Variants in CPNE5 observed in about 807,000 individuals in gnomAD.
CPNE5 encodes copine 5, also known as copine-5.
Under a neutral mutation model 81.1 loss-of-function variants are expected in CPNE5, and 42 were observed. The ratio of observed to expected loss-of-function variants is 0.52; its 90% confidence interval spans 0.40 to 0.67. The LOEUF (loss-of-function observed/expected upper bound fraction) is 0.67, where lower values mean the gene tolerates loss of function less well. CPNE5 is among the 30% of genes least tolerant of loss of function. The pLI is 0.00. For missense variants in CPNE5, 612 were observed against 815.5 expected (o/e 0.75, Z 3.04); for synonymous variants, 313 against 321.5 (o/e 0.97, Z 0.28).
chr6:36,830,982 C>T (rs903195744), intron 1 of CPNE5, among the ~76,000 whole-genome samples: 1 of 152,188 alleles, frequency 6.6e-6, no homozygotes, highest in Non-Finnish European at 1.5e-5. Flanking sequence ...AATGTGCTTC[C>T]ATGCCTGCCT....
At chr6:36,763,490 C>T (rs536297687) in intron 11 of CPNE5, among the ~76,000 whole-genome samples, 53 of 151,662 alleles carry the variant, frequency 3.5e-4, no homozygotes, top group African/African-American at 1.2e-3. Flanking sequence ...ATAATCCTAG[C>T]TACTCCAGAG....
At chr6:36,819,996 C>T (rs1481348213) in intron 3 of CPNE5, among the ~76,000 whole-genome samples, 3 of 152,238 alleles carry the variant, frequency 2.0e-5, no homozygotes, top group African/African-American at 4.8e-5. Flanking sequence ...TCAGCTCCGC[C>T]GCTCAGCAAG....
intron 10 of CPNE5, 96 bp from the exon 11 acceptor site, chr6:36,765,472 C>T: frequency 6.9e-7 from 1 of 1,450,262 alleles, no homozygotes; most frequent in Non-Finnish European, 9.6e-7. Context: ...GATAGGGAGG[C>T]CAGGACTCCC....
At chr6:36,760,996 C>T (rs1351616633) in intron 12 of CPNE5, among the ~76,000 whole-genome samples, 2 of 152,242 alleles carry the variant, frequency 1.3e-5, no homozygotes, top group African/African-American at 4.8e-5. Context: ...CAGTGTGGCA[C>T]TTTCTCTTGT....
At chr6:36,744,946 C>T in intron 18 of CPNE5, 102 bp downstream of exon 18, 1 of 794,300 alleles carries the variant, frequency 1.3e-6, no homozygotes, top group Non-Finnish European at 2.1e-6. Flanking sequence ...CATCTCCAAG[C>T]ATTTCCCTAA....
rs559653078 is a variant in CPNE5 at position 36,822,991 on chromosome 6, T to C, written c.136+67A>G. The stretch of plus-strand genomic sequence containing the variant: ...TTAGTGCTCAGTAAGGGCTCAAGCA[T>C]TGCCGCTGTAATTAGTCATAGCGTT... On this transcript the variant is annotated intron_variant, in intron 2 of 20. Transcript: ENST00000244751. 1.8e-5 allele frequency: 25 copies of C among 1,369,234 alleles called. No individual in the cohort carries two copies. The South Asian group carries it at 3.8e-4, about 21-fold the overall frequency. The allele number at this position is 1,369,234 out of a possible 1,614,324, so 84.8% of individuals were successfully genotyped here.
intron 4 of CPNE5, among the ~76,000 whole-genome samples, chr6:36,798,739 C>G (rs1226000981): frequency 6.6e-6 from 1 of 152,076 alleles, no homozygotes; most frequent in Non-Finnish European, 1.5e-5. Context: ...GGAGTAGGCA[C>G]AAAGATTTAT....
At chr6:36,819,328 G>C (rs1771837780) in intron 3 of CPNE5, among the ~76,000 whole-genome samples, 1 of 152,256 alleles carries the variant, frequency 6.6e-6, no homozygotes, top group Admixed American at 6.5e-5. Flanking sequence ...TCGAACTCGT[G>C]ACCTCAAGTG....
chr6:36,783,335 A>G (rs937415359), intron 8 of CPNE5, among the ~76,000 whole-genome samples: 2 of 149,462 alleles, frequency 1.3e-5, no homozygotes, highest in Non-Finnish European at 3.0e-5. Flanking sequence ...AAGTTAACCT[A>G]CATAACAAAC....
chr6:36,800,774 T>C (rs1045266952), intron 3 of CPNE5, among the ~76,000 whole-genome samples: 3 of 152,212 alleles, frequency 2.0e-5, no homozygotes, highest in African/African-American at 7.2e-5. Context: ...TGCTCTGTCT[T>C]GCTTGCTCAC....
intron 1 of CPNE5, chr6:36,827,711 A>G (rs1772624524): frequency 1.0e-6 from 1 of 985,318 alleles, no homozygotes; most frequent in African/African-American, 1.7e-5. Flanking sequence ...TCACTTGCCC[A>G]CAAGCACACA....
intron 3 of CPNE5, among the ~76,000 whole-genome samples, chr6:36,807,721 C>T (rs970060910): frequency 3.9e-5 from 6 of 152,258 alleles, no homozygotes; most frequent in African/African-American, 7.2e-5. Flanking sequence ...CTTCTGTATG[C>T]GGGGTGAGAC....
In CPNE5 at chr6:36,746,434, G is replaced by T; in HGVS notation, c.1162C>A (p.Leu388Met). The T allele has an allele frequency of 6.2e-7, 1 of 1,613,040 alleles. No individual in the cohort carries two copies. Among genetic ancestry groups the T allele is most frequent in the Non-Finnish European group, 8.5e-7 (1 of 1,179,496 alleles). Residue 388 changes from leucine to methionine, a missense_variant, in exon 16 of 21, where the codon CTG becomes ATG. By Grantham distance (15) the Leu-to-Met change is conservative. Coordinates refer to ENST00000244751, the MANE Select transcript of CPNE5 (RefSeq NM_020939.2). The surrounding 1 kb of genome is among the most constrained non-coding windows in gnomAD (Gnocchi z 4.5). ...TGGGACACTCTGCCATCCGGGGGCA[G>T]CTTGGCCCCGAAGCCCAGGGCAGGG... ...MFPALGFGAK[L>M]PPDGRVSHEF...
In CPNE5 at chr6:36,768,226, T is replaced by TTTTTTTC. The variant is rs1491570568; in HGVS notation, c.738-2851_738-2850insGAAAAAA. On this transcript the variant is annotated intron_variant, in intron 10 of 20. Coordinates refer to ENST00000244751, the MANE Select transcript of CPNE5 (RefSeq NM_020939.2). ...GCTTTGACTACTCTATTCACAGTTCTTTTTTTTTTTTTTTTTTTTTTTTTT... is the reference window on the plus strand; with the variant it reads ...GCTTTGACTACTCTATTCACAGTTCTTTTTTTCTTTTTTTTTTTTTTTTTTTTTTTTT... Among the ~76,000 whole-genome samples the TTTTTTTC allele has an allele frequency of 4.7e-3, 210 of 44,904 alleles. 42 individuals are homozygous for TTTTTTTC. Among genetic ancestry groups the TTTTTTTC allele is most frequent in the Non-Finnish European group, 7.4e-3 (171 of 23,092 alleles). 29.5% of individuals were successfully genotyped at this position (44,904 alleles called of 152,430 possible).
At chr6:36,826,597 C>T (rs1772520553) in intron 1 of CPNE5, among the ~76,000 whole-genome samples, 1 of 152,218 alleles carries the variant, frequency 6.6e-6, no homozygotes, top group Non-Finnish European at 1.5e-5. Flanking sequence ...ATCTGTCTCT[C>T]ACACTGGCTG....
intron 3 of CPNE5, among the ~76,000 whole-genome samples, chr6:36,800,546 C>T (rs1259819740): frequency 6.6e-6 from 1 of 152,166 alleles, no homozygotes; most frequent in African/African-American, 2.4e-5. Flanking sequence ...ATTTGATTCC[C>T]AATTGCAAAC....
intron 12 of CPNE5, among the ~76,000 whole-genome samples, chr6:36,758,005 G>T (rs2150399637): frequency 6.6e-6 from 1 of 152,260 alleles, no homozygotes. Flanking sequence ...GCTGGTAGGA[G>T]ACAAAATCAG....
chr6:36,774,529 C>T (rs1767326703), intron 10 of CPNE5, among the ~76,000 whole-genome samples: 1 of 152,156 alleles, frequency 6.6e-6, no homozygotes, highest in South Asian at 2.1e-4. Flanking sequence ...CTGCCTGCAT[C>T]AACACCCTGC....
intron 1 of CPNE5, chr6:36,827,794 A>T (rs1305702524): frequency 4.5e-5 from 44 of 970,040 alleles, no homozygotes; most frequent in Non-Finnish European, 4.9e-5. Context: ...CACAGACAAG[A>T]CCAGACCACA....
Sources: allele counts gnomAD v4.1 joint callset (sites outside exome capture counted in the v4.1 genomes callset), GRCh38; gene constraint gnomAD v4.1.1; non-coding constraint Gnocchi (gnomAD v3.1); transcripts MANE v1.5; gene names NCBI Gene and HGNC (gene_info 2026-07-23, HGNC 2026-07-21).